Variants in PRKACB observed in about 807,000 individuals in gnomAD.
PRKACB encodes cAMP-dependent protein kinase catalytic subunit beta.
PRKACB carries 16 observed loss-of-function variants against 51.4 expected under a neutral mutation model. The observed-to-expected ratio is 0.31, with a 90% CI of 0.21 to 0.47. The LOEUF (loss-of-function observed/expected upper bound fraction) is 0.47, where lower values mean the gene tolerates loss of function less well. PRKACB is among the 20% of genes least tolerant of loss of function. PRKACB has a pLI of 1.00. For missense variants in PRKACB, 309 were observed against 464.5 expected, an observed-to-expected ratio of 0.67 and a Z score of 3.08; for synonymous variants, 147 against 154.4, an observed-to-expected ratio of 0.95 and a Z score of 0.35.
chr1:84,181,653 C>A, intron 2 of PRKACB: 5 of 1,473,112 alleles, frequency 3.4e-6, no homozygotes, highest in Non-Finnish European at 4.5e-6. Context: ...AGCCACTAGG[C>A]TCTCTCATGC....
chr1:84,105,525 C>G (rs572271995), intron 1 of PRKACB, among the ~76,000 whole-genome samples: 22 of 151,856 alleles, frequency 1.4e-4, no homozygotes, highest in African/African-American at 5.1e-4. Context: ...CTAGCATTTA[C>G]AGATAACCAC....
At chr1:84,153,275 T>C (rs898692891) in intron 1 of PRKACB, among the ~76,000 whole-genome samples, 3 of 151,976 alleles carry the variant, frequency 2.0e-5, no homozygotes, top group African/African-American at 7.3e-5. Context: ...AAAGGAAATA[T>C]TGTGAAAATT....
chr1:84,218,770 A>T (rs1214676052), intron 9 of PRKACB, among the ~76,000 whole-genome samples: 5 of 152,144 alleles, frequency 3.3e-5, no homozygotes, highest in African/African-American at 1.2e-4. Context: ...AGTGTATAAG[A>T]ATTCCCTTTT....
At chr1:84,202,086 T>C (rs1001476788) in intron 7 of PRKACB, among the ~76,000 whole-genome samples, 6 of 152,030 alleles carry the variant, frequency 3.9e-5, no homozygotes, top group African/African-American at 4.8e-5. Flanking sequence ...ATAGCAGAAG[T>C]AAAGTATACC....
At chr1:84,126,253 G>A (rs1443567493) in intron 1 of PRKACB, among the ~76,000 whole-genome samples, 3 of 152,174 alleles carry the variant, frequency 2.0e-5, no homozygotes, top group Non-Finnish European at 4.4e-5. Context: ...TACTTGTCTG[G>A]CATCCAGGAA....
intron 1 of PRKACB, among the ~76,000 whole-genome samples, chr1:84,102,034 A>G (rs967767474): frequency 2.8e-4 from 43 of 152,094 alleles, no homozygotes; most frequent in East Asian, 1.7e-3. Flanking sequence ...ACCCTTTGCT[A>G]TGACCTCAGA....
chr1:84,156,262 T>A (rs1655489299), intron 1 of PRKACB, among the ~76,000 whole-genome samples: 3 of 152,148 alleles, frequency 2.0e-5, no homozygotes, highest in Admixed American at 2.0e-4. Context: ...CCTAAAGTGC[T>A]GGGATCACAA....
At chr1:84,162,004 T>C (rs975771814) in intron 1 of PRKACB, among the ~76,000 whole-genome samples, 2 of 152,044 alleles carry the variant, frequency 1.3e-5, no homozygotes, top group Non-Finnish European at 2.9e-5. Flanking sequence ...ACAACAAATA[T>C]CCTCCGTTGT....
rs1676714511 is a variant in PRKACB, at chr1:84,236,972, A to G, written c.*1667A>G. ...TTATCGGTGCAGGTAGGTCATTAAC[A>G]CCACTTCTTTTCATCTGTACCACAC... On this transcript the variant is annotated 3_prime_UTR_variant, in exon 10 of 10. Coordinates refer to ENST00000370685, the MANE Select transcript of PRKACB (RefSeq NM_182948.4). 1.3e-5 allele frequency: 2 copies of G among 152,198 alleles called. No homozygotes were observed. Among genetic ancestry groups the G allele is most frequent in the African/African-American group, 2.4e-5 (1 of 41,458 alleles). 9.4% of individuals were successfully genotyped at this position (152,198 alleles called of 1,614,324 possible).
chr1:84,094,678 A>G (rs1185248751), intron 1 of PRKACB, among the ~76,000 whole-genome samples: 1 of 151,950 alleles, frequency 6.6e-6, no homozygotes, highest in Non-Finnish European at 1.5e-5. Flanking sequence ...GAGACTGTCT[A>G]TTCTGCTTTC....
intron 1 of PRKACB, among the ~76,000 whole-genome samples, chr1:84,116,755 T>C (rs374081855): frequency 5.3e-5 from 8 of 152,130 alleles, no homozygotes; most frequent in African/African-American, 1.9e-4. Context: ...GATCATATCA[T>C]CAGCAAAGAG....
chr1:84,223,644 C>T (rs941821651), intron 9 of PRKACB, among the ~76,000 whole-genome samples: 4 of 152,136 alleles, frequency 2.6e-5, no homozygotes, highest in African/African-American at 9.7e-5. Flanking sequence ...GCTGGGATTA[C>T]AAGCGTGAGC....
At position 84,197,710 on chromosome 1, in the gene PRKACB, TTC is replaced by T. The variant is rs755205216; in HGVS notation, c.688-17_688-16del. ...GTGAGGTAATACATTTTCACTAGTATTCTTTTTTTCTTTTATAGGTCACAGAC... is the reference window on the plus strand; with the variant it reads ...GTGAGGTAATACATTTTCACTAGTATTTTTTTTCTTTTATAGGTCACAGAC... On this transcript the variant is annotated splice_polypyrimidine_tract_variant and intron_variant, in intron 6 of 9. Coordinates refer to ENST00000370685, the MANE Select transcript of PRKACB (RefSeq NM_182948.4). The T allele has an allele frequency of 7.8e-6, 12 of 1,530,738 alleles. No homozygotes were observed. Among genetic ancestry groups the T allele is most frequent in the Non-Finnish European group, 9.0e-6 (10 of 1,112,090 alleles). The allele number at this position is 1,530,738 out of a possible 1,614,324, so 94.8% of individuals were successfully genotyped here. A position where few individuals can be genotyped will look rare whatever the true frequency, so the allele number is the denominator to read the frequency against.
intron 1 of PRKACB, among the ~76,000 whole-genome samples, chr1:84,124,167 T>C (rs188139483): frequency 6.6e-6 from 1 of 152,324 alleles, no homozygotes; most frequent in East Asian, 1.9e-4. Context: ...TAAGAAATGA[T>C]ATGAGAAACT....
intron 1 of PRKACB, among the ~76,000 whole-genome samples, chr1:84,082,341 G>C (rs1647605097): frequency 6.6e-6 from 1 of 151,782 alleles, no homozygotes; most frequent in South Asian, 2.1e-4. Context: ...GACTTTATTT[G>C]GTATATTAAA....
intron 1 of PRKACB, among the ~76,000 whole-genome samples, chr1:84,146,171 CAA>C (rs1654043200): frequency 6.7e-6 from 1 of 150,290 alleles, no homozygotes; most frequent in Non-Finnish European, 1.5e-5. Context: ...GAAGTCAAAA[CAA>C]ATAGGATTCT....
chr1:84,081,039 A>G (rs1177857668), intron 1 of PRKACB, among the ~76,000 whole-genome samples: 1 of 152,208 alleles, frequency 6.6e-6, no homozygotes, highest in Non-Finnish European at 1.5e-5. Flanking sequence ...AACATTATGG[A>G]AAGTGGAATT....
Position 84,202,695 on chromosome 1 carries a change from G to T in PRKACB, c.796G>T (p.Ala266Ser), listed in dbSNP as rs766852223. Reference protein sequence around the residue: ...EIILSKGYNKAVDWWALGVLI... With the variant: ...EIILSKGYNKSVDWWALGVLI... ...TGGTTTATCTCAGGGCTACAATAAG[G>T]CAGTGGATTGGTGGGCATTAGGAGT... Residue 266 changes from alanine to serine, a missense_variant, in exon 8 of 10, where the codon GCA becomes TCA. Physicochemically the swap from Ala to Ser is moderately conservative, Grantham distance 99 (BLOSUM62 1). This residue lies in a region of PRKACB where 60 missense variants were observed against 144.4 expected (regional missense o/e 0.42). Coordinates refer to ENST00000370685, the MANE Select transcript of PRKACB (RefSeq NM_182948.4). The T allele has an allele frequency of 1.9e-6, 3 of 1,608,904 alleles. No individual in the cohort carries two copies. The South Asian group carries it at 3.3e-5, about 18-fold the overall frequency.
intron 1 of PRKACB, among the ~76,000 whole-genome samples, chr1:84,176,771 T>G (rs943964287): frequency 6.6e-6 from 1 of 151,908 alleles, no homozygotes; most frequent in African/African-American, 2.4e-5. Flanking sequence ...AATTTTCACA[T>G]AAGACCTTTA....
Sources: allele counts gnomAD v4.1 joint callset (sites outside exome capture counted in the v4.1 genomes callset), GRCh38; gene constraint gnomAD v4.1.1; regional missense constraint gnomAD v4.1.1; transcripts MANE v1.5; gene names NCBI Gene and HGNC (gene_info 2026-07-23, HGNC 2026-07-21).